Variants in MDFIC2 observed in about 807,000 individuals in gnomAD.
MDFIC2 encodes the protein MyoD family inhibitor domain containing 2.
In MDFIC2 at chr3:70,194,715, A is replaced by G. The variant is rs1418103473; in HGVS notation, c.*2211T>C. On this transcript the variant is annotated 3_prime_UTR_variant, in exon 4 of 4. Coordinates refer to ENST00000567252, the MANE Select transcript of MDFIC2 (RefSeq NM_001364677.1). ...AGCATTCAATTCACATTTGAAATGC[A>G]CAATCTTTGCATAATTTGAGGGTAT... 6.6e-6 allele frequency among the ~76,000 whole-genome samples: 1 copy of G among 152,218 alleles called. No homozygotes were observed. The highest frequency in any genetic ancestry group is 2.4e-5 in the African/African-American group (1 of 41,460).
At chr3:70,311,061 T>G (rs1354414237) in intron 2 of MDFIC2, among the ~76,000 whole-genome samples, 2 of 152,206 alleles carry the variant, frequency 1.3e-5, no homozygotes, top group Non-Finnish European at 2.9e-5. Context: ...GATGTTATTG[T>G]TATCATTATT....
intron 2 of MDFIC2, among the ~76,000 whole-genome samples, chr3:70,304,414 T>A (rs1489566769): frequency 2.6e-5 from 4 of 152,218 alleles, no homozygotes; most frequent in African/African-American, 9.6e-5. Flanking sequence ...GTTGACAGTT[T>A]CCATGGGGAT....
At chr3:70,251,532 G>A (rs1474973501) in intron 2 of MDFIC2, among the ~76,000 whole-genome samples, 1 of 152,070 alleles carries the variant, frequency 6.6e-6, no homozygotes, top group Non-Finnish European at 1.5e-5. Flanking sequence ...CCTTGCTCTG[G>A]CCTCATGATG....
At chr3:70,251,831 A>G (rs928593281) in intron 2 of MDFIC2, among the ~76,000 whole-genome samples, 1 of 152,204 alleles carries the variant, frequency 6.6e-6, no homozygotes, top group African/African-American at 2.4e-5. Context: ...AGATTAGCCA[A>G]ACTGCAGCTG....
intron 3 of MDFIC2, chr3:70,204,438 C>T (rs1701270439): frequency 6.6e-6 from 1 of 152,118 alleles, no homozygotes. Context: ...TCTTATCACT[C>T]TTTGTGGGTC....
intron 2 of MDFIC2, among the ~76,000 whole-genome samples, chr3:70,263,055 ATC>A (rs1380525331): frequency 1.3e-5 from 2 of 152,180 alleles, no homozygotes; most frequent in South Asian, 2.1e-4. Flanking sequence ...TAGGTAATTC[ATC>A]TCTCTCTTTA....
At chr3:70,201,565 T>C (rs1303396517) in intron 3 of MDFIC2, among the ~76,000 whole-genome samples, 3 of 152,146 alleles carry the variant, frequency 2.0e-5, no homozygotes, top group Non-Finnish European at 4.4e-5. Context: ...TGATCCCTGT[T>C]TATGGATGAG....
In MDFIC2 at chr3:70,198,437, A is replaced by G. The variant is rs75290436; in HGVS notation, c.311-1252T>C. Among the ~76,000 whole-genome samples, 1,399 of 152,282 alleles carry G rather than the reference A, an allele frequency of 9.2e-3. 17 individuals are homozygous for G. Among genetic ancestry groups the G allele is most frequent in the African/African-American group, 0.032 (1,320 of 41,558 alleles). ...GCTCTTTTCTTTCATTATTCATATA[A>G]TAGTCTTTAAGTGAAAGAAAAATAT... On this transcript the variant is annotated intron_variant, in intron 3 of 3. Coordinates refer to ENST00000567252, the MANE Select transcript of MDFIC2 (RefSeq NM_001364677.1).
intron 2 of MDFIC2, among the ~76,000 whole-genome samples, chr3:70,281,936 A>G (rs965960387): frequency 1.3e-5 from 2 of 152,176 alleles, no homozygotes; most frequent in Non-Finnish European, 2.9e-5. Flanking sequence ...TTTTGATTGT[A>G]CAGTAACACC....
At chr3:70,260,433 T>G (rs1019452805) in intron 2 of MDFIC2, among the ~76,000 whole-genome samples, 2 of 152,094 alleles carry the variant, frequency 1.3e-5, no homozygotes, top group African/African-American at 4.8e-5. Flanking sequence ...TATGAGGTAA[T>G]GGGGGTTAGT....
intron 2 of MDFIC2, among the ~76,000 whole-genome samples, chr3:70,215,240 G>T (rs954748801): frequency 6.6e-6 from 1 of 152,040 alleles, no homozygotes; most frequent in Non-Finnish European, 1.5e-5. Context: ...GATTTTAGTG[G>T]TTTGCCCAAG....
chr3:70,247,527 G>A (rs1701718715), intron 2 of MDFIC2, among the ~76,000 whole-genome samples: 1 of 151,508 alleles, frequency 6.6e-6, no homozygotes, highest in Non-Finnish European at 1.5e-5. Flanking sequence ...TAAACATATA[G>A]GATTTTTCTA....
chr3:70,261,894 T>A (rs13080041), intron 2 of MDFIC2, among the ~76,000 whole-genome samples: 59,542 of 151,964 alleles, frequency 0.39, 13,010 homozygotes, highest in Non-Finnish European at 0.5. Context: ...GATCCGGGGC[T>A]GAAATCCACT....
chr3:70,312,481 T>C (rs544111142), intron 1 of MDFIC2, 70 bp downstream of exon 1: 7 of 152,358 alleles, frequency 4.6e-5, no homozygotes, highest in African/African-American at 1.7e-4. Flanking sequence ...GAACCTTCGG[T>C]GCAGTGCACT....
In MDFIC2 at chr3:70,195,185, C is replaced by T. The variant is rs966211817; in HGVS notation, c.*1741G>A. Among the ~76,000 whole-genome samples the T allele has an allele frequency of 6.6e-6, 1 of 152,156 alleles. No homozygotes were observed. The highest frequency in any genetic ancestry group is 1.5e-5 in the Non-Finnish European group (1 of 68,026). On this transcript the variant is annotated 3_prime_UTR_variant, in exon 4 of 4. Transcript: ENST00000567252. The stretch of plus-strand genomic sequence containing the variant: ...TATAAAAAGGTTGCATAAGAACAGC[C>T]TTATGTTCCCTTCCTGTTCTAGGAA...
intron 2 of MDFIC2, among the ~76,000 whole-genome samples, chr3:70,259,710 A>G (rs2106660280): frequency 6.6e-6 from 1 of 152,288 alleles, no homozygotes; most frequent in Middle Eastern, 3.4e-3. Context: ...AGTGCCACAA[A>G]CTGGGTGGCA....
intron 2 of MDFIC2, among the ~76,000 whole-genome samples, chr3:70,255,747 G>A (rs183532028): frequency 1.3e-5 from 2 of 152,172 alleles, no homozygotes; most frequent in Admixed American, 1.3e-4. Context: ...ATGATCCCCC[G>A]TACCCAGCCA....
At chr3:70,276,166 T>C (rs1353274890) in intron 2 of MDFIC2, among the ~76,000 whole-genome samples, 3 of 152,186 alleles carry the variant, frequency 2.0e-5, no homozygotes, top group East Asian at 1.9e-4. Flanking sequence ...TCTAGAATAA[T>C]GTTAGGTATA....
intron 2 of MDFIC2, among the ~76,000 whole-genome samples, chr3:70,213,393 G>A (rs1181959247): frequency 6.6e-6 from 1 of 152,076 alleles, no homozygotes; most frequent in Non-Finnish European, 1.5e-5. Context: ...TTTAATTTTA[G>A]TTCTAGGCCA....
Sources: gnomAD v4.1 joint callset for allele counts (sites outside exome capture counted in the v4.1 genomes callset) on GRCh38, gnomAD v4.1.1 for gene constraint, MANE v1.5 for transcripts, NCBI Gene and HGNC (gene_info 2026-07-23, HGNC 2026-07-21) for gene names.